Variants in HERC1 observed in about 807,000 individuals in gnomAD.
The protein encoded by HERC1 is probable E3 ubiquitin-protein ligase HERC1.
In HERC1, 160 loss-of-function variants were observed where a neutral mutation model predicts 554.3. That is an observed-to-expected ratio of 0.29 (90% CI 0.25 to 0.33). HERC1 has a LOEUF of 0.33. HERC1 is among the 10% of genes least tolerant of loss of function. The pLI, the probability that HERC1 is intolerant of heterozygous loss-of-function variation, is 1.00. For synonymous variants in HERC1, 2,175 were observed against 2,131.7 expected, an observed-to-expected ratio of 1.02 and a Z score of -0.56; for missense variants, 4,919 against 5,918.5, an observed-to-expected ratio of 0.83 and a Z score of 5.54.
intron 37 of HERC1, 34 bp from the exon 38 acceptor site, chr15:63,675,151 C>G: frequency 6.5e-7 from 1 of 1,528,304 alleles, no homozygotes; most frequent in South Asian, 1.3e-5. Context: ...CAGGAAGAAG[C>G]AAGTGAGGGA....
At chr15:63,761,584 C>G in intron 3 of HERC1, among the ~76,000 whole-genome samples, 1 of 66,368 alleles carries the variant, frequency 1.5e-5, no homozygotes, top group Non-Finnish European at 3.6e-5. Context: ...GCAAGACTGT[C>G]TCAAAAAAAA....
Position 63,749,411 on chromosome 15 carries a change from A to G in HERC1, c.2175T>C (p.Ala725=). 1 of 1,613,670 alleles carries G rather than the reference A, an allele frequency of 6.2e-7. No individual in the cohort carries two copies. Among genetic ancestry groups the G allele is most frequent in the South Asian group, 1.1e-5 (1 of 91,016 alleles). ...LDGIAIQQIS[A]GTSHSLAWTA... ...TCCATGCCAGACTATGTGATGTTCCAGCCGAAATCTGCTGAATAGCTATGC... is the reference window on the plus strand; with the variant it reads ...TCCATGCCAGACTATGTGATGTTCCGGCCGAAATCTGCTGAATAGCTATGC... Residue 725 remains alanine, a synonymous_variant, in exon 10 of 78, where the codon GCT becomes GCC. Transcript: ENST00000443617. This position sits in a 1 kb window ranked among gnomAD's most constrained non-coding sequence, Gnocchi z 4.1.
chr15:63,659,236 C>CAA (rs143095483), intron 47 of HERC1, among the ~76,000 whole-genome samples: 1 of 150,746 alleles, frequency 6.6e-6, no homozygotes, highest in Non-Finnish European at 1.5e-5. Context: ...TCATGAAAGA[C>CAA]AAAAAAAAAT....
rs1053442493 is a variant in HERC1 at position 63,688,847 on chromosome 15, G to A, written c.6048+742C>T. On this transcript the variant is annotated intron_variant, in intron 33 of 77. Coordinates refer to ENST00000443617, the MANE Select transcript of HERC1 (RefSeq NM_003922.4). ...TTTGCGTTTGGGAAACTAGGTGAAT[G>A]GTGGTGCTTTCAATCAGAAATGGGA... 2.2e-4 allele frequency among the ~76,000 whole-genome samples: 33 copies of A among 152,150 alleles called. 1 individual carries two copies.
chr15:63,811,597 C>T (rs543513369), intron 1 of HERC1, among the ~76,000 whole-genome samples: 25 of 151,892 alleles, frequency 1.6e-4, no homozygotes, highest in African/African-American at 5.8e-4. Context: ...ATCACGAGGT[C>T]GGGAGATCGA....
At chr15:63,634,660 A>C in intron 66 of HERC1, 73 bp downstream of exon 66, 1 of 1,279,598 alleles carries the variant, frequency 7.8e-7, no homozygotes, top group South Asian at 1.4e-5. Flanking sequence ...GATCTTCCTG[A>C]GGGTGTCTAA....
chr15:63,753,705 CTAAT>C (rs2075324875), intron 7 of HERC1, among the ~76,000 whole-genome samples: 1 of 151,982 alleles, frequency 6.6e-6, no homozygotes, highest in Non-Finnish European at 1.5e-5. Context: ...GTAGGAGTGA[CTAAT>C]TAAAGTAGAC....
intron 3 of HERC1, among the ~76,000 whole-genome samples, chr15:63,762,488 T>C (rs1028147916): frequency 2.0e-5 from 3 of 152,074 alleles, no homozygotes; most frequent in African/African-American, 7.2e-5. Context: ...CCCACCCAGC[T>C]AATTTTTTGT....
At chr15:63,831,396 T>C (rs570050768) in intron 1 of HERC1, among the ~76,000 whole-genome samples, 1 of 152,212 alleles carries the variant, frequency 6.6e-6, no homozygotes, top group African/African-American at 2.4e-5. Flanking sequence ...CGTGAGCTAC[T>C]GTAATCTGGC....
At position 63,718,762 on chromosome 15, in the gene HERC1, G is replaced by A; in HGVS notation, c.3857+21C>T. ...ATCATGAGAGCAAATATTTGTCTGA[G>A]GATAGTTTTAAGTTACTTGCCGGCT... On this transcript the variant is annotated intron_variant, in intron 20 of 77. Transcript: ENST00000443617. This position sits in a 1 kb window ranked among gnomAD's most constrained non-coding sequence, Gnocchi z 4.2. 1.2e-6 allele frequency: 2 copies of A among 1,606,222 alleles called. No homozygotes were observed. The highest frequency in any genetic ancestry group is 8.5e-7 in the Non-Finnish European group (1 of 1,174,152).
chr15:63,694,657 T>C lies in HERC1; in HGVS notation c.5243-108A>G. 1 of 1,455,250 alleles carries C rather than the reference T, an allele frequency of 6.9e-7. No individual in the cohort carries two copies. Among genetic ancestry groups the C allele is most frequent in the Non-Finnish European group, 9.6e-7 (1 of 1,045,998 alleles). The allele number at this position is 1,455,250 out of a possible 1,614,324, so 90.1% of individuals were successfully genotyped here. A position where few individuals can be genotyped will look rare whatever the true frequency, so the allele number is the denominator to read the frequency against. On this transcript the variant is annotated intron_variant, in intron 28 of 77. Transcript: ENST00000443617. This position sits in a 1 kb window ranked among gnomAD's most constrained non-coding sequence, Gnocchi z 4.3. ...TAACATGAAACACTAAATTATTTAT[T>C]CTTTACCTATAAGTTTATCTACTAA...
intron 10 of HERC1, among the ~76,000 whole-genome samples, chr15:63,748,942 A>G (rs1462886752): frequency 1.4e-5 from 2 of 142,748 alleles, no homozygotes; most frequent in Non-Finnish European, 3.0e-5. Flanking sequence ...CTTGATTTAA[A>G]GTATGACAAT....
rs2072570720 is a variant in HERC1, at chr15:63,698,874, C to T, written c.4759G>A (p.Gly1587Arg). Reference protein sequence around the residue: ...ESDFDLTKSLGVHTLIENVVS... With the variant: ...ESDFDLTKSLRVHTLIENVVS... Reference sequence around the variant, plus strand: ...ACATTTTCAATCAAAGTGTGAACTCCCAAAGACTTGGTAAGATCAAAATCT... The same window carrying T: ...ACATTTTCAATCAAAGTGTGAACTCTCAAAGACTTGGTAAGATCAAAATCT... Residue 1587 changes from glycine to arginine, a missense_variant, in exon 26 of 78, where the codon GGA becomes AGA. Physicochemically the swap from Gly to Arg is moderately radical, Grantham distance 125. This residue lies in a region of HERC1 where 1,121 missense variants were observed against 1,244.0 expected (regional missense o/e 0.90). Transcript: ENST00000443617. 10 of 1,613,900 alleles carry T rather than the reference C, an allele frequency of 6.2e-6. No homozygotes were observed. Among genetic ancestry groups the T allele is most frequent in the Non-Finnish European group, 8.5e-6 (10 of 1,179,870 alleles).
intron 26 of HERC1, 51 bp from the exon 27 acceptor site, chr15:63,696,390 G>C: frequency 7.6e-7 from 1 of 1,323,966 alleles, no homozygotes; most frequent in Non-Finnish European, 1.1e-6. Context: ...CAGACATGAT[G>C]AAACTCTGTA....
At position 63,628,727 on chromosome 15, in the gene HERC1, C is replaced by T. The variant is rs1319488179; in HGVS notation, c.13055G>A (p.Arg4352His). ...TGCTGTCCATGCAGCACTGTGGCAGCGGCCAGCCGAGATCTGCCGAACATT... is the reference window on the plus strand; with the variant it reads ...TGCTGTCCATGCAGCACTGTGGCAGTGGCCAGCCGAGATCTGCCGAACATT... Reference protein sequence around the residue: ...GKNVRQISAGRCHSAAWTAPP... With the variant: ...GKNVRQISAGHCHSAAWTAPP... The change falls in exon 70 of 78, where the codon CGC becomes CAC. Residue 4352 changes from arginine to histidine, a missense_variant. By Grantham distance (29) the Arg-to-His change is conservative. Transcript: ENST00000443617. 5.0e-6 allele frequency: 8 copies of T among 1,613,684 alleles called. No individual in the cohort carries two copies. The highest frequency in any genetic ancestry group is 1.7e-5 in the Admixed American group (1 of 59,986).
At chr15:63,649,560 T>C (rs1321319992) in intron 54 of HERC1, among the ~76,000 whole-genome samples, 165 bp downstream of exon 54, 2 of 152,184 alleles carry the variant, frequency 1.3e-5, no homozygotes, top group Non-Finnish European at 2.9e-5. Context: ...AGGAGATAAA[T>C]ATCTTTCAAT....
chr15:63,805,344 A>T (rs1402328044), intron 1 of HERC1, among the ~76,000 whole-genome samples: 2 of 152,232 alleles, frequency 1.3e-5, no homozygotes, highest in East Asian at 1.9e-4. Context: ...TTCAACATGG[A>T]TGAATCTCAA....
chr15:63,621,608 C>T (rs1192081583), intron 74 of HERC1, among the ~76,000 whole-genome samples: 2 of 147,402 alleles, frequency 1.4e-5, no homozygotes, highest in South Asian at 2.2e-4. Flanking sequence ...TGGTTCCATT[C>T]TCCCACTTTC....
intron 31 of HERC1, among the ~76,000 whole-genome samples, chr15:63,690,920 C>T (rs1402051641): frequency 6.6e-6 from 1 of 152,054 alleles, no homozygotes; most frequent in African/African-American, 2.4e-5. Context: ...ACACATTTCA[C>T]ACACATACAT....
Sources: allele counts gnomAD v4.1 joint callset (sites outside exome capture counted in the v4.1 genomes callset), GRCh38; gene constraint gnomAD v4.1.1; regional missense constraint gnomAD v4.1.1; non-coding constraint Gnocchi (gnomAD v3.1); transcripts MANE v1.5; gene names NCBI Gene and HGNC (gene_info 2026-07-23, HGNC 2026-07-21).